The following ZPBP variants were observed in gnomAD, a reference collection of about 807,000 sequenced individuals.
ZPBP encodes the protein zona pellucida-binding protein 1.
ZPBP carries 26 observed loss-of-function variants against 44.8 expected under a neutral mutation model. The ratio of observed to expected loss-of-function variants is 0.58; its 90% CI spans 0.43 to 0.81. ZPBP has a LOEUF of 0.81. ZPBP is among the 30% of genes least tolerant of loss of function. The probability of loss-of-function intolerance (pLI) is 0.00; values close to 1 mark genes in which losing one functional copy is unlikely to be tolerated. For missense variants in ZPBP, 409 were observed against 434.0 expected, an observed-to-expected ratio of 0.94 and a Z score of 0.51; for synonymous variants, 174 against 153.2, an observed-to-expected ratio of 1.14 and a Z score of -1.00.
chr7:50,090,585 ATATATATGCG>A (rs1321679594), intron 1 of ZPBP, among the ~76,000 whole-genome samples: 7 of 150,960 alleles, frequency 4.6e-5, no homozygotes, highest in African/African-American at 1.5e-4. Flanking sequence ...ATATTTGTGT[ATATATATGCG>A]TATATATGCG....
chr7:50,089,116 T>G (rs1386700286), intron 2 of ZPBP, among the ~76,000 whole-genome samples: 1 of 152,090 alleles, frequency 6.6e-6, no homozygotes, highest in African/African-American at 2.4e-5. Flanking sequence ...TCTTTCTTTT[T>G]GGGGTGATGA....
At chr7:49,885,685 T>C (rs1377128725) in intron 2 of ZPBP, among the ~76,000 whole-genome samples, 5 of 152,336 alleles carry the variant, frequency 3.3e-5, no homozygotes, top group South Asian at 2.1e-4. Context: ...GGTGTTAACA[T>C]AGTGATCAGG....
intron 2 of ZPBP, among the ~76,000 whole-genome samples, chr7:49,882,956 T>G (rs2128727715): frequency 6.6e-6 from 1 of 152,132 alleles, no homozygotes; most frequent in East Asian, 1.9e-4. Flanking sequence ...CAAAGCTCCC[T>G]GTCAATCGCC....
At position 49,981,327 on chromosome 7, in the gene ZPBP, A is replaced by ATT. The variant is rs1562819053; in HGVS notation, c.961+2013_961+2014dup. ...TATAATTATATATTATATAATATAT[A>ATT]TTATAATTATATATATTATATAATA... On this transcript the variant is annotated intron_variant, in intron 7 of 7. Transcript: ENST00000046087. Among the ~76,000 whole-genome samples, 224 of 44,060 alleles carry ATT rather than the reference A, an allele frequency of 5.1e-3. 1 individual carries two copies. Among genetic ancestry groups the ATT allele is most frequent in the African/African-American group, 0.013 (219 of 17,018 alleles). The allele number at this position is 44,060 out of a possible 152,430, so 28.9% of individuals were successfully genotyped here. A position where few individuals can be genotyped will look rare whatever the true frequency, so the allele number is the denominator to read the frequency against.
Position 50,016,659 on chromosome 7 carries a change from T to A in ZPBP, c.783+1581A>T, listed in dbSNP as rs1350312535. Among the ~76,000 whole-genome samples the A allele has an allele frequency of 3.3e-5, 5 of 152,110 alleles. No individual in the cohort carries two copies. In the South Asian group the frequency reaches 8.3e-4, roughly 25 times the overall value. ...GTCAGATTCCTTCCCCTACTCCTAA[T>A]CCCTATGCTTTAACACACATTCCAA... On this transcript the variant is annotated intron_variant, in intron 6 of 7. Transcript: ENST00000046087.
At chr7:50,039,136 A>T (rs1562863714) in intron 4 of ZPBP, among the ~76,000 whole-genome samples, 1 of 152,236 alleles carries the variant, frequency 6.6e-6, no homozygotes, top group African/African-American at 2.4e-5. Flanking sequence ...AAACACTTCA[A>T]ATAATTCATT....
At chr7:49,891,579 T>C (rs1342126729) in intron 2 of ZPBP, among the ~76,000 whole-genome samples, 2 of 152,128 alleles carry the variant, frequency 1.3e-5, no homozygotes, top group Non-Finnish European at 2.9e-5. Flanking sequence ...TTCGATACTA[T>C]TGCACATCCG....
At chr7:49,889,733 CT>C (rs1792051498) in intron 2 of ZPBP, among the ~76,000 whole-genome samples, 1 of 152,118 alleles carries the variant, frequency 6.6e-6, no homozygotes, top group African/African-American at 2.4e-5. Context: ...GAAAAAAGAA[CT>C]TATTGGAAAT....
chr7:50,064,085 G>C (rs1721522687), intron 3 of ZPBP, among the ~76,000 whole-genome samples: 1 of 152,166 alleles, frequency 6.6e-6, no homozygotes, highest in Non-Finnish European at 1.5e-5. Context: ...GTGTCAGCCA[G>C]CTTGAGAAAT....
intron 7 of ZPBP, among the ~76,000 whole-genome samples, chr7:49,953,826 T>C (rs976827360): frequency 4.6e-5 from 7 of 152,098 alleles, no homozygotes; most frequent in African/African-American, 1.4e-4. Context: ...ATGACCTAAA[T>C]AGACATTCTG....
At chr7:50,072,607 C>G (rs1801901193) in intron 3 of ZPBP, among the ~76,000 whole-genome samples, 1 of 152,200 alleles carries the variant, frequency 6.6e-6, no homozygotes, top group Non-Finnish European at 1.5e-5. Flanking sequence ...GTCACTCAAC[C>G]TCCAACTTTA....
intron 7 of ZPBP, among the ~76,000 whole-genome samples, chr7:49,962,753 T>G (rs889668687): frequency 6.6e-6 from 1 of 151,832 alleles, no homozygotes; most frequent in Non-Finnish European, 1.5e-5. Flanking sequence ...AATAAACTAT[T>G]AGAACTATCA....
chr7:50,025,761 T>C (rs142599394), intron 5 of ZPBP, among the ~76,000 whole-genome samples: 1 of 151,872 alleles, frequency 6.6e-6, no homozygotes, highest in Non-Finnish European at 1.5e-5. Context: ...GTCTATACTT[T>C]GCTCAATTTT....
intron 2 of ZPBP, among the ~76,000 whole-genome samples, chr7:50,088,940 A>G (rs1460238603): frequency 6.6e-6 from 1 of 152,046 alleles, no homozygotes; most frequent in Non-Finnish European, 1.5e-5. Context: ...TGCACTCTAT[A>G]ACATGGCTGA....
intron 4 of ZPBP, among the ~76,000 whole-genome samples, chr7:50,032,359 T>C (rs916865384): frequency 2.0e-5 from 3 of 152,178 alleles, no homozygotes; most frequent in Admixed American, 6.5e-5. Context: ...GGAACTATAG[T>C]TGAGTCACAG....
At chr7:49,977,196 A>C (rs1392064116) in intron 7 of ZPBP, among the ~76,000 whole-genome samples, 1 of 152,100 alleles carries the variant, frequency 6.6e-6, no homozygotes, top group African/African-American at 2.4e-5. Context: ...AGAATGACCT[A>C]TCCATTGGCC....
intron 1 of ZPBP, chr7:49,913,535 T>C (rs1460300792): frequency 1.3e-5 from 2 of 152,228 alleles, no homozygotes; most frequent in African/African-American, 4.8e-5. Flanking sequence ...TTGAAGCCTC[T>C]AAAGGTATTT....
At chr7:50,043,594 T>C (rs1800200980) in intron 4 of ZPBP, among the ~76,000 whole-genome samples, 1 of 152,134 alleles carries the variant, frequency 6.6e-6, no homozygotes, top group Non-Finnish European at 1.5e-5. Context: ...CATTACATAA[T>C]AGTAAGGGGA....
At chr7:50,031,843 C>CATATAT (rs145327910) in intron 4 of ZPBP, among the ~76,000 whole-genome samples, 1 of 150,730 alleles carries the variant, frequency 6.6e-6, no homozygotes, top group East Asian at 1.9e-4. Context: ...CACACACACA[C>CATATAT]ATATATATAT....
Sources: gnomAD v4.1 joint callset for allele counts (sites outside exome capture counted in the v4.1 genomes callset) on GRCh38, gnomAD v4.1.1 for gene constraint, MANE v1.5 for transcripts, NCBI Gene and HGNC (gene_info 2026-07-23, HGNC 2026-07-21) for gene names.